RBFOX1: variants seen among roughly 807,000 people sequenced by gnomAD.
RBFOX1 encodes the protein RNA binding protein fox-1 homolog 1.
RBFOX1 carries 8 observed loss-of-function variants against 57.7 expected under a neutral mutation model. The observed-to-expected ratio is 0.14, with a 90% CI of 0.08 to 0.25. The LOEUF is 0.25. Among genes scored for constraint, RBFOX1 ranks in the 10% least tolerant of loss-of-function variants. The pLI is 1.00. For missense variants in RBFOX1, 611 were observed against 548.5 expected (o/e 1.11, Z -1.14); for synonymous variants, 326 against 222.4 (o/e 1.47, Z -4.15).
intron 4 of RBFOX1, among the ~76,000 whole-genome samples, chr16:7,242,368 G>A (rs146830773): frequency 1.4e-4 from 22 of 152,306 alleles, no homozygotes; most frequent in African/African-American, 5.3e-4. Context: ...GACAGGTTGT[G>A]CCACATGACA....
intron 4 of RBFOX1, among the ~76,000 whole-genome samples, chr16:7,070,518 T>C (rs2057110308): frequency 6.6e-6 from 1 of 152,226 alleles, no homozygotes; most frequent in Non-Finnish European, 1.5e-5. Context: ...TGTCTTGACA[T>C]CTTTACGCCA....
chr16:5,728,855 C>T lies in RBFOX1; in HGVS notation c.318+129894C>T, dbSNP rs550678977. Among the ~76,000 whole-genome samples the T allele has an allele frequency of 1.3e-4, 20 of 152,312 alleles. 1 individual carries two copies. The South Asian group carries it at 3.7e-3, about 28-fold the overall frequency. ...AGTTCCAAGATCACCTTTAAGTCTGCCCATCCAGGCCAAAAGTCTGTACCT... is the reference window on the plus strand; with the variant it reads ...AGTTCCAAGATCACCTTTAAGTCTGTCCATCCAGGCCAAAAGTCTGTACCT... On this transcript the variant is annotated intron_variant, in intron 3 of 19. Transcript: ENST00000641259.
At chr16:6,843,636 C>G (rs1479514536) in intron 3 of RBFOX1, among the ~76,000 whole-genome samples, 3 of 152,120 alleles carry the variant, frequency 2.0e-5, no homozygotes, top group Non-Finnish European at 4.4e-5. Flanking sequence ...TTGCAGTGAG[C>G]CGACATCGCG....
chr16:6,082,685 A>G (rs1438514547), intron 1 of RBFOX1, among the ~76,000 whole-genome samples: 4 of 152,130 alleles, frequency 2.6e-5, no homozygotes, highest in Non-Finnish European at 4.4e-5. Context: ...ATTAGTTAGA[A>G]TGATTCCCAA....
intron 1 of RBFOX1, among the ~76,000 whole-genome samples, chr16:6,051,113 A>T (rs1399861885): frequency 6.6e-6 from 1 of 151,186 alleles, no homozygotes; most frequent in Non-Finnish European, 1.5e-5. Flanking sequence ...GTTTTTTCCC[A>T]TTAAAAGTGG....
chr16:6,667,322 C>T (rs149825584), intron 3 of RBFOX1, among the ~76,000 whole-genome samples: 2 of 152,166 alleles, frequency 1.3e-5, no homozygotes, highest in East Asian at 3.9e-4. Context: ...CATACACCTT[C>T]AGTCACCCTT....
chr16:7,544,193 G>A (rs1413875489), intron 5 of RBFOX1, among the ~76,000 whole-genome samples: 1 of 152,184 alleles, frequency 6.6e-6, no homozygotes, highest in Non-Finnish European at 1.5e-5. Flanking sequence ...TCACACCTCT[G>A]TCCTTTGGAG....
chr16:6,540,477 T>A (rs1195687658), intron 2 of RBFOX1, among the ~76,000 whole-genome samples: 2 of 151,844 alleles, frequency 1.3e-5, no homozygotes, highest in Non-Finnish European at 2.9e-5. Flanking sequence ...CCAGGTGTGG[T>A]GGCATGCGCA....
intron 4 of RBFOX1, among the ~76,000 whole-genome samples, chr16:7,134,406 C>G (rs995841375): frequency 4.6e-5 from 7 of 152,164 alleles, no homozygotes; most frequent in Non-Finnish European, 8.8e-5. Context: ...ATGGTGATTA[C>G]TTCTTCAGGC....
intron 4 of RBFOX1, chr16:7,510,194 T>C: frequency 2.0e-6 from 2 of 985,850 alleles, no homozygotes; most frequent in Non-Finnish European, 2.4e-6. Context: ...ATCCACACAT[T>C]GCACAGCGCG....
intron 2 of RBFOX1, among the ~76,000 whole-genome samples, chr16:6,381,542 G>A (rs1008934509): frequency 3.3e-5 from 5 of 152,188 alleles, no homozygotes; most frequent in Admixed American, 2.6e-4. Context: ...TTAAACAGGA[G>A]GAATGATACA....
In RBFOX1 at chr16:5,759,155, T is replaced by C. The variant is rs1473944562; in HGVS notation, c.319-108148T>C. ...TGATGTTTATTTTTGGCAGTATCAGTAGGGGTTCATTAGCCTAACTTCCTA... is the reference window on the plus strand; with the variant it reads ...TGATGTTTATTTTTGGCAGTATCAGCAGGGGTTCATTAGCCTAACTTCCTA... On this transcript the variant is annotated intron_variant, in intron 3 of 19. Coordinates refer to the RBFOX1 transcript ENST00000641259. Among the ~76,000 whole-genome samples the C allele has an allele frequency of 7.2e-5, 11 of 152,182 alleles. 1 individual carries two copies. The East Asian group carries it at 2.1e-3, about 29-fold the overall frequency.
intron 3 of RBFOX1, among the ~76,000 whole-genome samples, chr16:7,045,823 T>A (rs578231781): frequency 1.3e-5 from 2 of 152,034 alleles, no homozygotes; most frequent in African/African-American, 2.4e-5. Flanking sequence ...GTGTGGCTAA[T>A]TTTTTTGTAT....
chr16:6,002,027 C>T (rs1193944300), intron 4 of RBFOX1, among the ~76,000 whole-genome samples: 8 of 148,668 alleles, frequency 5.4e-5, no homozygotes, highest in Non-Finnish European at 3.0e-5. Flanking sequence ...AGTGCCGTGG[C>T]ATGATTTCAG....
At chr16:5,399,393 A>G (rs941281515) in intron 1 of RBFOX1, among the ~76,000 whole-genome samples, 4 of 152,244 alleles carry the variant, frequency 2.6e-5, no homozygotes, top group African/African-American at 4.8e-5. Context: ...ATATAAATGC[A>G]TTTAATTTTT....
At chr16:6,899,456 C>G (rs370971003) in intron 3 of RBFOX1, among the ~76,000 whole-genome samples, 1 of 152,048 alleles carries the variant, frequency 6.6e-6, no homozygotes, top group African/African-American at 2.4e-5. Flanking sequence ...TGTTTACGGC[C>G]ATTGGTTGGT....
At position 7,517,153 on chromosome 16, in the gene RBFOX1, G is replaced by C. The variant is rs113919768; in HGVS notation, c.28-994G>C. Among the ~76,000 whole-genome samples, 487 of 145,106 alleles carry C rather than the reference G, an allele frequency of 3.4e-3. 1 individual carries two copies. The highest frequency in any genetic ancestry group is 0.012 in the African/African-American group (445 of 37,616). The stretch of plus-strand genomic sequence containing the variant: ...TTTCTTATGCCGTGTGTGTGTGTGT[G>C]TGTGTGTGTGTGTGTGTGTGTGTGT... On this transcript the variant is annotated intron_variant, in intron 4 of 15. Transcript: ENST00000550418.
chr16:7,424,777 C>T (rs980612129), intron 4 of RBFOX1, among the ~76,000 whole-genome samples: 1 of 152,168 alleles, frequency 6.6e-6, no homozygotes, highest in Non-Finnish European at 1.5e-5. Flanking sequence ...AACAAACAAA[C>T]AGTGCCAGCT....
chr16:5,932,094 T>C (rs112325728), intron 4 of RBFOX1, among the ~76,000 whole-genome samples: 20 of 152,288 alleles, frequency 1.3e-4, no homozygotes, highest in African/African-American at 3.9e-4. Context: ...AATGAGCCAC[T>C]GTGCCTGGCC....
Sources: allele counts gnomAD v4.1 joint callset (sites outside exome capture counted in the v4.1 genomes callset), GRCh38; gene constraint gnomAD v4.1.1; transcripts MANE v1.5; gene names NCBI Gene and HGNC (gene_info 2026-07-23, HGNC 2026-07-21).